Variants in ELAPOR2 observed in about 807,000 individuals in gnomAD.
The protein encoded by ELAPOR2 is endosome/lysosome-associated apoptosis and autophagy regulator family member 2.
ELAPOR2 carries 89 observed loss-of-function variants against 120.7 expected under a neutral mutation model. The observed-to-expected ratio is 0.74, with a 90% confidence interval of 0.62 to 0.88. The LOEUF (loss-of-function observed/expected upper bound fraction) is 0.88. Among genes scored for constraint, ELAPOR2 ranks in the 40% least tolerant of loss-of-function variants. The pLI is 0.00. For missense variants in ELAPOR2, 1,134 were observed against 1,251.6 expected (o/e 0.91, Z 1.42); for synonymous variants, 444 against 444.9 (o/e 1.00, Z 0.03).
intron 1 of ELAPOR2, among the ~76,000 whole-genome samples, chr7:87,038,103 G>GA (rs1200040242): frequency 6.6e-6 from 1 of 152,188 alleles, no homozygotes; most frequent in Non-Finnish European, 1.5e-5. Context: ...GAATAGTCAT[G>GA]AAATATCTAA....
Position 86,984,434 on chromosome 7 carries a change from A to C in ELAPOR2, c.190-19410T>G, listed in dbSNP as rs144302724. Among the ~76,000 whole-genome samples, 837 of 152,328 alleles carry C rather than the reference A, an allele frequency of 5.5e-3. 9 individuals carry two copies. The highest frequency in any genetic ancestry group is 0.019 in the African/African-American group (796 of 41,558). ...ATTCCAAAATTGACACACAGTTGGA[A>C]GTAAAGCACTCCTTGGCAAATGTAA... On this transcript the variant is annotated intron_variant, in intron 1 of 21. Transcript: ENST00000450689.
intron 1 of ELAPOR2, among the ~76,000 whole-genome samples, chr7:87,040,345 T>C (rs1252964555): frequency 1.3e-5 from 2 of 152,182 alleles, no homozygotes; most frequent in Non-Finnish European, 2.9e-5. Context: ...AAGACAGCAG[T>C]AACCTCTGCA....
chr7:86,896,393 T>A (rs556464571), intron 19 of ELAPOR2, among the ~76,000 whole-genome samples: 1 of 152,114 alleles, frequency 6.6e-6, no homozygotes, highest in African/African-American at 2.4e-5. Context: ...TTCTCTACGG[T>A]TTTTTCCTAG....
chr7:87,042,251 C>A (rs1042000249), intron 1 of ELAPOR2, among the ~76,000 whole-genome samples: 4 of 151,076 alleles, frequency 2.6e-5, no homozygotes, highest in African/African-American at 7.4e-5. Flanking sequence ...CAGCTCTGCA[C>A]CAAGTGGACC....
At chr7:86,903,727 G>A (rs971355258) in intron 18 of ELAPOR2, among the ~76,000 whole-genome samples, 2 of 152,166 alleles carry the variant, frequency 1.3e-5, no homozygotes, top group African/African-American at 4.8e-5. Context: ...TACTGATAAT[G>A]GAGATGAATT....
chr7:86,950,143 A>AAAG (rs1562939512), intron 2 of ELAPOR2, among the ~76,000 whole-genome samples: 1 of 152,184 alleles, frequency 6.6e-6, no homozygotes, highest in Non-Finnish European at 1.5e-5. Flanking sequence ...AGAGCTGAAC[A>AAAG]GTAGCTGAGA....
intron 19 of ELAPOR2, among the ~76,000 whole-genome samples, chr7:86,895,630 A>G (rs1788402664): frequency 6.6e-6 from 1 of 152,150 alleles, no homozygotes. Flanking sequence ...CAATCTTATA[A>G]TACGTTGAAG....
intron 19 of ELAPOR2, 36 bp from the exon 20 acceptor site, chr7:86,893,136 G>C: frequency 2.0e-6 from 3 of 1,469,412 alleles, no homozygotes; most frequent in Non-Finnish European, 2.7e-6. Flanking sequence ...TAGAAGACAT[G>C]AGAAATGAAA....
chr7:86,961,820 T>C (rs1192750587), intron 2 of ELAPOR2, among the ~76,000 whole-genome samples: 1 of 152,198 alleles, frequency 6.6e-6, no homozygotes, highest in Non-Finnish European at 1.5e-5. Flanking sequence ...TGCCCACAGA[T>C]GCTAAACTCT....
intron 1 of ELAPOR2, among the ~76,000 whole-genome samples, chr7:86,997,600 T>A (rs1048087969): frequency 2.0e-5 from 3 of 152,200 alleles, no homozygotes; most frequent in Non-Finnish European, 4.4e-5. Context: ...ACACCTTCAC[T>A]TAGCCTGCAA....
intron 2 of ELAPOR2, among the ~76,000 whole-genome samples, chr7:86,958,376 G>A (rs2116449086): frequency 6.6e-6 from 1 of 152,216 alleles, no homozygotes; most frequent in African/African-American, 2.4e-5. Flanking sequence ...GTAAAGATTG[G>A]CTATTATTTT....
In ELAPOR2 at chr7:86,908,455, G is replaced by A; in HGVS notation, c.2448C>T (p.Phe816=). The change falls in exon 17 of 22, where the codon TTC becomes TTT. Residue 816 remains phenylalanine (F), a synonymous_variant. Coordinates refer to ENST00000450689, the MANE Select transcript of ELAPOR2 (RefSeq NM_001142749.3). Reference sequence around the variant, plus strand: ...ACAGCATCTTCACTTACTTATAAAAGAAATGCACATCTGGTATTTGGCTTG... The same window carrying A: ...ACAGCATCTTCACTTACTTATAAAAAAAATGCACATCTGGTATTTGGCTTG... ...VPTSQIPDVH[F]FYKSSTATTS... 1 of 1,550,552 alleles carries A rather than the reference G, an allele frequency of 6.4e-7. No individual in the cohort carries two copies. The highest frequency in any genetic ancestry group is 1.2e-5 in the South Asian group (1 of 84,078).
At chr7:87,021,226 G>A (rs1794031253) in intron 1 of ELAPOR2, among the ~76,000 whole-genome samples, 1 of 152,154 alleles carries the variant, frequency 6.6e-6, no homozygotes. Flanking sequence ...CATGATCTCT[G>A]TAGAAAAACT....
Position 86,912,980 on chromosome 7 carries a change from C to A in ELAPOR2, c.1956G>T (p.Glu652Asp), listed in dbSNP as rs1411639822. Residue 652 changes from glutamate to aspartate, a missense_variant, in exon 14 of 22, where the codon GAG becomes GAT. By Grantham distance (45) the Glu-to-Asp change is conservative. Transcript: ENST00000450689. The stretch of plus-strand genomic sequence containing the variant: ...TCCCAGGCCCGCATGGAATACAAGC[C>A]TCTTTGCCATAGACCTGATGTATGG... The part of the protein sequence containing the change: ...YLSIHQVYGK[E>D]ACIPCGPGSK... 1 of 1,614,000 alleles carries A rather than the reference C, an allele frequency of 6.2e-7. No homozygotes were observed. Among genetic ancestry groups the A allele is most frequent in the South Asian group, 1.1e-5 (1 of 91,070 alleles).
At chr7:86,983,001 C>T (rs4260834) in intron 1 of ELAPOR2, among the ~76,000 whole-genome samples, 57,471 of 151,906 alleles carry the variant, frequency 0.38, 11,701 homozygotes, top group African/African-American at 0.53. Context: ...AATGGCCTGA[C>T]GGAGCTGAAA....
chr7:87,019,029 C>T (rs538172014), intron 1 of ELAPOR2, among the ~76,000 whole-genome samples: 57 of 152,258 alleles, frequency 3.7e-4, no homozygotes, highest in Non-Finnish European at 6.9e-4. Context: ...CAAAAAATGA[C>T]AGAGATCACT....
intron 21 of ELAPOR2, among the ~76,000 whole-genome samples, chr7:86,885,221 T>C (rs1799631034): frequency 6.6e-6 from 1 of 152,138 alleles, no homozygotes; most frequent in African/African-American, 2.4e-5. Flanking sequence ...GTCTCCAATA[T>C]GCAAGTCAAG....
intron 4 of ELAPOR2, among the ~76,000 whole-genome samples, chr7:86,943,914 G>A (rs758642784): frequency 9.2e-5 from 14 of 152,084 alleles, no homozygotes; most frequent in South Asian, 8.3e-4. Context: ...GCTTAGTGCC[G>A]GAAGGTTCAC....
chr7:86,980,738 TCTC>T (rs1408124226), intron 1 of ELAPOR2, among the ~76,000 whole-genome samples: 2 of 152,016 alleles, frequency 1.3e-5, no homozygotes, highest in Non-Finnish European at 2.9e-5. Context: ...GTTCTTCCAA[TCTC>T]CTCCTCTCCT....
Sources: gnomAD v4.1 joint callset for allele counts (sites outside exome capture counted in the v4.1 genomes callset) on GRCh38, gnomAD v4.1.1 for gene constraint, MANE v1.5 for transcripts, NCBI Gene and HGNC (gene_info 2026-07-23, HGNC 2026-07-21) for gene names.